SPATA13: variants seen among roughly 807,000 people sequenced by gnomAD.
SPATA13 encodes the protein spermatogenesis-associated protein 13.
Under a neutral mutation model 104.0 loss-of-function variants are expected in SPATA13, and 50 were observed. The observed-to-expected ratio is 0.48, with a 90% CI of 0.38 to 0.61. SPATA13 has a LOEUF of 0.61. SPATA13 is among the 20% of genes least tolerant of loss of function. SPATA13 has a pLI of 0.00. For missense variants in SPATA13, 1,524 were observed against 1,690.6 expected, an observed-to-expected ratio of 0.90 and a Z score of 1.73; for synonymous variants, 606 against 667.5, an observed-to-expected ratio of 0.91 and a Z score of 1.42.
intron 1 of SPATA13, among the ~76,000 whole-genome samples, chr13:24,171,668 G>C (rs1882974773): frequency 6.6e-6 from 1 of 152,190 alleles, no homozygotes; most frequent in Non-Finnish European, 1.5e-5. Context: ...CAGTGGTGAG[G>C]TTTGGCTATT....
chr13:24,122,859 T>C, intron 3 of SPATA13: 1 of 773,524 alleles, frequency 1.3e-6, no homozygotes. Context: ...TTCTAAGACA[T>C]GCTGTTGTAA....
chr13:24,059,580 C>A (rs1233152929), intron 3 of SPATA13, among the ~76,000 whole-genome samples: 1 of 152,212 alleles, frequency 6.6e-6, no homozygotes, highest in African/African-American at 2.4e-5. Flanking sequence ...CTATTATATG[C>A]TGAGGACAGA....
At chr13:24,198,822 G>A (rs1870237529) in intron 1 of SPATA13, among the ~76,000 whole-genome samples, 1 of 152,148 alleles carries the variant, frequency 6.6e-6, no homozygotes, top group African/African-American at 2.4e-5. Flanking sequence ...AGCAGCAGGT[G>A]TCAGCTAATA....
rs188846601 is a variant in SPATA13, at chr13:24,285,985, C to T, written c.2302-229C>T. On this transcript the variant is annotated intron_variant, in intron 5 of 12. Transcript: ENST00000382108. ...TGTGAGTCACCACGCCCAGTTTAAG[C>T]GCTTTCTTTAAAAGCAGGTAGAGAT... Among the ~76,000 whole-genome samples, 436 of 152,212 alleles carry T rather than the reference C, an allele frequency of 2.9e-3. 1 individual carries two copies. Among genetic ancestry groups the T allele is most frequent in the Middle Eastern group, 0.014 (4 of 294 alleles).
At chr13:24,065,898 T>TG (rs1425899434) in intron 3 of SPATA13, among the ~76,000 whole-genome samples, 7 of 152,214 alleles carry the variant, frequency 4.6e-5, no homozygotes, top group Non-Finnish European at 7.3e-5. Context: ...CTCTGCCACT[T>TG]AACAATTTGA....
chr13:24,266,557 T>A (rs558895082), intron 4 of SPATA13, among the ~76,000 whole-genome samples: 2 of 152,282 alleles, frequency 1.3e-5, no homozygotes, highest in East Asian at 3.9e-4. Context: ...AGTGCTGGGA[T>A]CAAGGCATGA....
intron 3 of SPATA13, among the ~76,000 whole-genome samples, chr13:24,080,800 G>C (rs1305185926): frequency 6.6e-6 from 1 of 152,204 alleles, no homozygotes; most frequent in Non-Finnish European, 1.5e-5. Flanking sequence ...GTGCATTACT[G>C]TATGCCTCGT....
At chr13:24,115,564 A>G (rs1358786670) in intron 3 of SPATA13, among the ~76,000 whole-genome samples, 1 of 152,196 alleles carries the variant, frequency 6.6e-6, no homozygotes, top group East Asian at 1.9e-4. Context: ...TCATCCCCAA[A>G]CCATCTCTCT....
At chr13:24,218,689 T>C (rs1247088414) in intron 1 of SPATA13, among the ~76,000 whole-genome samples, 2 of 151,690 alleles carry the variant, frequency 1.3e-5, no homozygotes, top group Non-Finnish European at 1.5e-5. Context: ...TCGTAAACTT[T>C]GGTAAAACAT....
chr13:24,270,044 T>C (rs896341352), intron 4 of SPATA13, among the ~76,000 whole-genome samples: 6 of 152,140 alleles, frequency 3.9e-5, no homozygotes, highest in Non-Finnish European at 8.8e-5. Flanking sequence ...TACTAAGAGA[T>C]GACTGTGAGG....
intron 2 of SPATA13, among the ~76,000 whole-genome samples, chr13:23,995,437 T>G (rs1875631944): frequency 1.3e-5 from 2 of 152,232 alleles, no homozygotes; most frequent in Admixed American, 1.3e-4. Context: ...AAATAACTGA[T>G]TATGCTGATA....
At position 24,161,530 on chromosome 13, in the gene SPATA13, C is replaced by T. The variant is rs139593585; in HGVS notation, c.-112+598C>T. On this transcript the variant is annotated intron_variant, in intron 1 of 12. Coordinates refer to ENST00000382108, the MANE Select transcript of SPATA13 (RefSeq NM_001166271.3). This position sits in a 1 kb window ranked among gnomAD's most constrained non-coding sequence, Gnocchi z 4.5. The stretch of plus-strand genomic sequence containing the variant: ...AATGCATTGGCGGAGTTGGTTTGGT[C>T]CCATTCTGTGCAGGAGGTGGGGGAA... 4.0e-3 allele frequency among the ~76,000 whole-genome samples: 613 copies of T among 152,290 alleles called. 3 individuals carry two copies. The highest frequency in any genetic ancestry group is 7.5e-3 in the Non-Finnish European group (507 of 68,022).
chr13:24,133,135 A>G (rs1044460518), intron 3 of SPATA13, among the ~76,000 whole-genome samples: 3 of 152,196 alleles, frequency 2.0e-5, no homozygotes, highest in Non-Finnish European at 4.4e-5. Flanking sequence ...AGATGTAGCC[A>G]GAGATCCTGG....
chr13:23,983,033 T>G (rs1874973635), intron 1 of SPATA13, among the ~76,000 whole-genome samples: 2 of 152,014 alleles, frequency 1.3e-5, no homozygotes, highest in South Asian at 4.2e-4. Flanking sequence ...TGGAGCAAAA[T>G]GAAGTGAGAT....
chr13:24,038,115 G>A (rs977680845), intron 3 of SPATA13, among the ~76,000 whole-genome samples: 36 of 151,290 alleles, frequency 2.4e-4, no homozygotes, highest in African/African-American at 6.8e-4. Flanking sequence ...GGGTTTCACC[G>A]TGTTAGCCAG....
intron 4 of SPATA13, among the ~76,000 whole-genome samples, chr13:24,277,370 G>A (rs569638028): frequency 6.7e-5 from 10 of 150,252 alleles, no homozygotes; most frequent in Non-Finnish European, 1.0e-4. Flanking sequence ...CGTGAACCTA[G>A]GAGGCGGAGC....
intron 1 of SPATA13, among the ~76,000 whole-genome samples, chr13:24,220,215 T>C (rs1871496239): frequency 1.3e-5 from 2 of 152,160 alleles, no homozygotes; most frequent in African/African-American, 4.8e-5. Flanking sequence ...AATGACTGAC[T>C]CAAGAGCCAT....
At chr13:24,107,359 C>T (rs1880488018) in intron 3 of SPATA13, among the ~76,000 whole-genome samples, 2 of 148,584 alleles carry the variant, frequency 1.3e-5, no homozygotes, top group Admixed American at 6.8e-5. Context: ...CCCAGAGAAA[C>T]GAGCACTCCT....
chr13:24,012,815 CT>C (rs1362907616), intron 2 of SPATA13, among the ~76,000 whole-genome samples: 1 of 152,236 alleles, frequency 6.6e-6, no homozygotes, highest in Non-Finnish European at 1.5e-5. Flanking sequence ...AGCCCCGTGG[CT>C]GCAGACAGTG....
Sources: allele counts gnomAD v4.1 joint callset (sites outside exome capture counted in the v4.1 genomes callset), GRCh38; gene constraint gnomAD v4.1.1; non-coding constraint Gnocchi (gnomAD v3.1); transcripts MANE v1.5; gene names NCBI Gene and HGNC (gene_info 2026-07-23, HGNC 2026-07-21).